The following FGGY variants were observed in gnomAD, a reference collection of about 807,000 sequenced individuals.
FGGY encodes FGGY carbohydrate kinase domain-containing protein.
A neutral mutation model predicts 71.3 loss-of-function variants in FGGY; 72 were observed. The ratio of observed to expected loss-of-function variants is 1.01; its 90% CI spans 0.84 to 1.23. FGGY has a LOEUF of 1.23. Among genes scored for constraint, FGGY ranks in the 50% most tolerant of loss-of-function variants. FGGY has a pLI of 0.00. For missense variants in FGGY, 668 were observed against 682.3 expected (o/e 0.98, Z 0.23); for synonymous variants, 251 against 250.3 (o/e 1.00, Z -0.02).
intron 11 of FGGY, among the ~76,000 whole-genome samples, chr1:59,654,643 G>C (rs530557244): frequency 6.6e-6 from 1 of 152,180 alleles, no homozygotes; most frequent in South Asian, 2.1e-4. Context: ...AACTATTTTA[G>C]AACCTATGAA....
chr1:59,521,519 G>A (rs1370366417), intron 7 of FGGY, among the ~76,000 whole-genome samples: 3 of 152,154 alleles, frequency 2.0e-5, no homozygotes, highest in Admixed American at 6.5e-5. Context: ...GTATATGGCT[G>A]TGAACCTGCC....
chr1:59,677,896 C>G (rs1029092275), intron 14 of FGGY, among the ~76,000 whole-genome samples: 1 of 151,678 alleles, frequency 6.6e-6, no homozygotes, highest in African/African-American at 2.4e-5. Flanking sequence ...CTCTCTCTCT[C>G]CCTTTAGACA....
chr1:59,634,306 C>T, intron 10 of FGGY, among the ~76,000 whole-genome samples: 1 of 152,102 alleles, frequency 6.6e-6, no homozygotes, highest in East Asian at 1.9e-4. Context: ...ACTCGGGAGG[C>T]TGAGGCAGGA....
In FGGY at chr1:59,458,353, G is replaced by A. The variant is rs74397016; in HGVS notation, c.670+1277G>A. Among the ~76,000 whole-genome samples the A allele has an allele frequency of 3.7e-3, 567 of 152,188 alleles. 2 individuals are homozygous for A. The highest frequency in any genetic ancestry group is 0.012 in the African/African-American group (505 of 41,520). On this transcript the variant is annotated intron_variant, in intron 6 of 15. Coordinates refer to ENST00000303721, the MANE Select transcript of FGGY (RefSeq NM_018291.5). ...ATTTCCTGTCCTAGCACAAGGCATG[G>A]CATATTTTCATATCTCAGTGACTTT...
At chr1:59,514,799 A>G (rs1329709874) in intron 7 of FGGY, among the ~76,000 whole-genome samples, 1 of 152,168 alleles carries the variant, frequency 6.6e-6, no homozygotes, top group Non-Finnish European at 1.5e-5. Context: ...CGCCATGATT[A>G]TGAGACCTCC....
intron 5 of FGGY, among the ~76,000 whole-genome samples, chr1:59,390,991 T>A (rs2060620638): frequency 6.6e-6 from 1 of 152,222 alleles, no homozygotes; most frequent in African/African-American, 2.4e-5. Context: ...TGTATTTGAC[T>A]ATTCAAACCC....
chr1:59,699,675 C>T (rs1436733283), intron 14 of FGGY, among the ~76,000 whole-genome samples: 1 of 152,150 alleles, frequency 6.6e-6, no homozygotes, highest in Non-Finnish European at 1.5e-5. Flanking sequence ...CTTGGAGTAA[C>T]ATACAGTATT....
rs1270682190 is a variant in FGGY at position 59,699,437 on chromosome 1, G to A, written c.1512+25304G>A. On this transcript the variant is annotated intron_variant, in intron 14 of 15. Coordinates refer to ENST00000303721, the MANE Select transcript of FGGY (RefSeq NM_018291.5). The stretch of plus-strand genomic sequence containing the variant: ...TAGTTTTGCAATAGTGACACCTAGG[G>A]GCTGTAGAGAACATTGCATGGGCTG... 7 of 981,196 alleles carry A rather than the reference G, an allele frequency of 7.1e-6. No homozygotes were observed. In the African/African-American group the frequency reaches 1.2e-4, roughly 17 times the overall value. 60.8% of individuals were successfully genotyped at this position (981,196 alleles called of 1,614,324 possible). A position where few individuals can be genotyped will look rare whatever the true frequency, so the allele number is the denominator to read the frequency against.
At chr1:59,362,400 G>A (rs1230667357) in intron 4 of FGGY, among the ~76,000 whole-genome samples, 2 of 152,088 alleles carry the variant, frequency 1.3e-5, no homozygotes, top group East Asian at 3.9e-4. Context: ...CTAAAACTGT[G>A]TTCACAAAAC....
intron 15 of FGGY, among the ~76,000 whole-genome samples, chr1:59,760,372 G>A (rs911572067): frequency 6.6e-6 from 1 of 152,162 alleles, no homozygotes; most frequent in Non-Finnish European, 1.5e-5. Flanking sequence ...CGCTGCTGCA[G>A]AAAACACTAT....
At chr1:59,410,927 A>G (rs1349809394) in intron 5 of FGGY, among the ~76,000 whole-genome samples, 1 of 152,182 alleles carries the variant, frequency 6.6e-6, no homozygotes, top group Non-Finnish European at 1.5e-5. Flanking sequence ...TACTATGGGA[A>G]CCTTCTGTGT....
At chr1:59,665,417 C>T (rs961897248) in intron 12 of FGGY, among the ~76,000 whole-genome samples, 1 of 152,160 alleles carries the variant, frequency 6.6e-6, no homozygotes, top group African/African-American at 2.4e-5. Context: ...AACAAACCCT[C>T]AAGACCTCTG....
chr1:59,641,318 G>T, intron 11 of FGGY: 1 of 1,611,382 alleles, frequency 6.2e-7, no homozygotes, highest in Non-Finnish European at 8.5e-7. Context: ...CTTTGGCAGC[G>T]TTGCACTCTC....
At chr1:59,438,371 G>T (rs1250586618) in intron 5 of FGGY, among the ~76,000 whole-genome samples, 2 of 152,134 alleles carry the variant, frequency 1.3e-5, no homozygotes, top group South Asian at 4.1e-4. Flanking sequence ...TTCCTTCTTT[G>T]TTTCAATATA....
At chr1:59,680,447 ATTCTT>A (rs2153986552) in intron 14 of FGGY, among the ~76,000 whole-genome samples, 1 of 82,966 alleles carries the variant, frequency 1.2e-5, no homozygotes, top group East Asian at 3.9e-4. Flanking sequence ...TTAACAATAC[ATTCTT>A]TTTTTTTTTT....
chr1:59,703,410 C>G (rs2097726594), intron 14 of FGGY, among the ~76,000 whole-genome samples: 2 of 152,156 alleles, frequency 1.3e-5, no homozygotes, highest in Non-Finnish European at 2.9e-5. Flanking sequence ...CATCCCAGAA[C>G]AGAAAAGTCA....
At chr1:59,741,866 A>G (rs1207941) in intron 14 of FGGY, among the ~76,000 whole-genome samples, 47,470 of 150,110 alleles carry the variant, frequency 0.32, 8,582 homozygotes, top group Middle Eastern at 0.45. Context: ...TTGAACCCGG[A>G]AGGCAGAGCT....
intron 6 of FGGY, among the ~76,000 whole-genome samples, chr1:59,507,406 A>G (rs952189004): frequency 2.6e-5 from 4 of 152,236 alleles, no homozygotes; most frequent in African/African-American, 9.6e-5. Context: ...TAACAAAAGG[A>G]AGTCATATAC....
chr1:59,560,243 C>T (rs1367710530), intron 8 of FGGY, among the ~76,000 whole-genome samples: 1 of 152,170 alleles, frequency 6.6e-6, no homozygotes, highest in Non-Finnish European at 1.5e-5. Flanking sequence ...AGTTAAGGGA[C>T]ATCCTATAAA....
Sources: gnomAD v4.1 joint callset for allele counts (sites outside exome capture counted in the v4.1 genomes callset) on GRCh38, gnomAD v4.1.1 for gene constraint, MANE v1.5 for transcripts, NCBI Gene and HGNC (gene_info 2026-07-23, HGNC 2026-07-21) for gene names.